NOS1: variants seen among roughly 807,000 people sequenced by gnomAD.
The protein encoded by NOS1 is NOS type I.
Under a neutral mutation model 164.5 loss-of-function variants are expected in NOS1, and 51 were observed. That is an observed-to-expected ratio of 0.31 (90% CI 0.25 to 0.39). The LOEUF (loss-of-function observed/expected upper bound fraction) is 0.39. Ranked by LOEUF, NOS1 falls within the 10% of genes least tolerant of loss-of-function variation. NOS1 has a pLI of 1.00. For synonymous variants in NOS1, 719 were observed against 745.8 expected (o/e 0.96, Z 0.59); for missense variants, 1,362 against 1,885.6 (o/e 0.72, Z 5.14).
At chr12:117,344,259 A>C (rs1049243235) in intron 1 of NOS1, among the ~76,000 whole-genome samples, 3 of 152,230 alleles carry the variant, frequency 2.0e-5, no homozygotes, top group African/African-American at 4.8e-5. Context: ...TCTTCTTAGA[A>C]TATGTTAGCA....
intron 11 of NOS1, 106 bp from the exon 12 acceptor site, chr12:117,265,616 G>T: frequency 1.3e-6 from 1 of 757,002 alleles, no homozygotes; most frequent in Non-Finnish European, 2.0e-6. Context: ...CCCTGAGATG[G>T]TTTAGAGCAG....
intron 11 of NOS1, among the ~76,000 whole-genome samples, chr12:117,267,671 T>C (rs1349529055): frequency 6.6e-6 from 1 of 152,112 alleles, no homozygotes; most frequent in Non-Finnish European, 1.5e-5. Flanking sequence ...GCCTCATGCA[T>C]TTATTTAGGA....
intron 22 of NOS1, among the ~76,000 whole-genome samples, chr12:117,229,979 G>T (rs760895568): frequency 1.3e-5 from 2 of 152,168 alleles, no homozygotes; most frequent in Non-Finnish European, 2.9e-5. Flanking sequence ...GAGTACAGTT[G>T]CAAGATCGTG....
rs1345125240 is a variant in NOS1, at chr12:117,215,268, G to A, written c.*41C>T. 7 of 1,532,202 alleles carry A rather than the reference G, an allele frequency of 4.6e-6. No homozygotes were observed. The highest frequency in any genetic ancestry group is 2.0e-5 in the Admixed American group (1 of 49,532). The allele number at this position is 1,532,202 out of a possible 1,614,324, so 94.9% of individuals were successfully genotyped here. ...AGGAAAGGTTCAGCAGTGTCTGTCC[G>A]CGCTTACAAAACTTGCAGCCGGCTG... On this transcript the variant is annotated 3_prime_UTR_variant, in exon 29 of 29. Coordinates refer to ENST00000317775, the MANE Select transcript of NOS1 (RefSeq NM_000620.5).
intron 12 of NOS1, among the ~76,000 whole-genome samples, chr12:117,264,684 A>C (rs1592965823): frequency 4.6e-4 from 44 of 96,080 alleles, no homozygotes; most frequent in Admixed American, 8.8e-4. Flanking sequence ...CCCCCTCTTC[A>C]TCCTCCCCAT....
At chr12:117,290,164 G>T in intron 4 of NOS1, 134 bp downstream of exon 4, 1 of 1,018,062 alleles carries the variant, frequency 9.8e-7, no homozygotes. Flanking sequence ...CTGACATCTA[G>T]GGGGTATGGG....
chr12:117,301,995 A>G (rs1351020583), intron 3 of NOS1: 2 of 456,612 alleles, frequency 4.4e-6, no homozygotes, highest in Non-Finnish European at 8.8e-6. Context: ...CCTGGGTTCA[A>G]ATCCCATCTC....
intron 25 of NOS1, 39 bp downstream of exon 25, chr12:117,224,977 C>T (rs373179660): frequency 3.5e-5 from 57 of 1,613,424 alleles, no homozygotes; most frequent in African/African-American, 1.7e-4. Context: ...TCCCCAGGTC[C>T]GGGGGTGGGA....
rs1450261988 is a variant in NOS1 at position 117,208,982 on chromosome 12, C to T, written c.*6327G>A. Reference sequence around the variant, plus strand: ...AAGTGATCTGCCAGCCTCGGCCTCCCAAAGTCCTGTGATTACAGGCATGAG... The same window carrying T: ...AAGTGATCTGCCAGCCTCGGCCTCCTAAAGTCCTGTGATTACAGGCATGAG... On this transcript the variant is annotated 3_prime_UTR_variant, in exon 29 of 29. Transcript: ENST00000317775. 2.1e-5 allele frequency: 20 copies of T among 967,088 alleles called. No homozygotes were observed. The highest frequency in any genetic ancestry group is 2.0e-5 in the Non-Finnish European group (16 of 813,458). 59.9% of individuals were successfully genotyped at this position (967,088 alleles called of 1,614,324 possible).
In NOS1 at chr12:117,331,064, C is replaced by T. The variant is rs759679932; in HGVS notation, c.6G>A (p.Glu2=). The T allele has an allele frequency of 2.6e-5, 42 of 1,608,838 alleles. No homozygotes were observed. The Admixed American group carries it at 6.4e-4, about 24-fold the overall frequency. Residue 2 remains glutamate (E), a synonymous_variant, in exon 2 of 29, where the codon GAG becomes GAA. Transcript: ENST00000317775. ...TTTGCTGAACACCGAACATGTGATC[C>T]TCCATGGTAACTAGCTTCCGAGGGG... M[E]DHMFGVQQIQ...
rs199777169 is a variant in NOS1 at position 117,219,302 on chromosome 12, TG to T, written c.4170+772del. Among the ~76,000 whole-genome samples, 49 of 149,220 alleles carry T rather than the reference TG, an allele frequency of 3.3e-4. No homozygotes were observed. The South Asian group carries it at 3.9e-3, about 12-fold the overall frequency. On this transcript the variant is annotated intron_variant, in intron 27 of 28. Coordinates refer to ENST00000317775, the MANE Select transcript of NOS1 (RefSeq NM_000620.5). ...AGCCATTTTTTGTTTTGTTTTGTTT[TG>T]TTTTTTTTGTTTTTGTTTTTGAGAT...
chr12:117,329,225 T>C (rs1296252105), intron 2 of NOS1, among the ~76,000 whole-genome samples: 1 of 152,198 alleles, frequency 6.6e-6, no homozygotes, highest in Non-Finnish European at 1.5e-5. Flanking sequence ...ATTTCATTCA[T>C]TGCTCTACCC....
intron 13 of NOS1, among the ~76,000 whole-genome samples, chr12:117,262,957 C>T (rs949030710): frequency 6.6e-6 from 1 of 152,088 alleles, no homozygotes; most frequent in African/African-American, 2.4e-5. Flanking sequence ...TCAATTGTCA[C>T]CTCCTCCAGG....
At chr12:117,261,037 C>T (rs9658420) in intron 13 of NOS1, among the ~76,000 whole-genome samples, 45,057 of 151,604 alleles carry the variant, frequency 0.3, 7,519 homozygotes, top group Admixed American at 0.49. Flanking sequence ...GGAGTGGCAG[C>T]GTGCGCCTGT....
At chr12:117,270,619 G>T (rs2135995585) in intron 10 of NOS1, among the ~76,000 whole-genome samples, 1 of 152,098 alleles carries the variant, frequency 6.6e-6, no homozygotes, top group African/African-American at 2.4e-5. Flanking sequence ...TTGGTTAAAA[G>T]AATAGAAATT....
intron 25 of NOS1, among the ~76,000 whole-genome samples, 184 bp from the exon 26 acceptor site, chr12:117,223,047 GCACACACATA>G (rs1868360961): frequency 1.3e-5 from 2 of 152,110 alleles, no homozygotes; most frequent in Admixed American, 6.6e-5. Context: ...GCACGCACAT[GCACACACATA>G]CACACACATA....
intron 11 of NOS1, among the ~76,000 whole-genome samples, chr12:117,266,182 A>G (rs2135988791): frequency 6.6e-6 from 1 of 151,870 alleles, no homozygotes; most frequent in East Asian, 1.9e-4. Context: ...TTTAGTGGTG[A>G]TTTGTGAGAT....
At chr12:117,295,615 C>CTTTTTTTT (rs33913257) in intron 3 of NOS1, among the ~76,000 whole-genome samples, 4 of 105,112 alleles carry the variant, frequency 3.8e-5, no homozygotes, top group Non-Finnish European at 5.5e-5. Context: ...CCTGATCATT[C>CTTTTTTTT]TTTTTTTTTT....
chr12:117,319,518 G>A (rs548186157), intron 2 of NOS1, among the ~76,000 whole-genome samples: 33 of 152,356 alleles, frequency 2.2e-4, no homozygotes, highest in Non-Finnish European at 3.2e-4. Context: ...TGAGGTCAAT[G>A]TGTGGACTGG....
Sources: allele counts gnomAD v4.1 joint callset (sites outside exome capture counted in the v4.1 genomes callset), GRCh38; gene constraint gnomAD v4.1.1; transcripts MANE v1.5; gene names NCBI Gene and HGNC (gene_info 2026-07-23, HGNC 2026-07-21).